AREL1: variants seen among roughly 807,000 people sequenced by gnomAD.
The protein encoded by AREL1 is apoptosis-resistant E3 ubiquitin protein ligase 1.
AREL1 carries 62 observed loss-of-function variants against 99.0 expected under a neutral mutation model. The ratio of observed to expected loss-of-function variants is 0.63; its 90% CI spans 0.51 to 0.77. The LOEUF (loss-of-function observed/expected upper bound fraction) is 0.77, where lower values mean the gene tolerates loss of function less well. AREL1 is among the 30% of genes least tolerant of loss of function. The pLI is 0.00. For missense variants in AREL1, 879 were observed against 1,027.6 expected, an observed-to-expected ratio of 0.86 and a Z score of 1.98; for synonymous variants, 380 against 376.5, an observed-to-expected ratio of 1.01 and a Z score of -0.11.
chr14:74,672,247 G>A (rs1408043843), intron 11 of AREL1, among the ~76,000 whole-genome samples: 3 of 152,224 alleles, frequency 2.0e-5, no homozygotes, highest in African/African-American at 4.8e-5. Flanking sequence ...AGGCCAGTAA[G>A]TAAACTGCTC....
intron 1 of AREL1, 93 bp downstream of exon 1, chr14:74,712,840 C>T: frequency 2.3e-6 from 1 of 433,592 alleles, no homozygotes; most frequent in Non-Finnish European, 4.3e-6. Flanking sequence ...AACCAGGAGT[C>T]TGAACCCCCC....
intron 1 of AREL1, among the ~76,000 whole-genome samples, chr14:74,694,698 G>A (rs1698495021): frequency 6.6e-6 from 1 of 152,000 alleles, no homozygotes; most frequent in African/African-American, 2.4e-5. Flanking sequence ...ATAAGAAAAT[G>A]GTATAAAGAG....
chr14:74,693,563 C>T (rs374396821), intron 1 of AREL1, among the ~76,000 whole-genome samples: 72 of 152,304 alleles, frequency 4.7e-4, no homozygotes, highest in African/African-American at 1.7e-3. Flanking sequence ...GCTTCATACA[C>T]ATAAACTCAC....
Position 74,694,946 on chromosome 14 carries a change from G to A in AREL1, c.-333-2618C>T, listed in dbSNP as rs373653295. On this transcript the variant is annotated intron_variant, in intron 1 of 19. Transcript: ENST00000356357. ...GGAGTTTGCCGTGAGCCAAGATTGC[G>A]CCACTGCACTCCAGCCTGGGCGATA... 1.5e-4 allele frequency among the ~76,000 whole-genome samples: 22 copies of A among 142,948 alleles called. 1 individual carries two copies. In the South Asian group the frequency reaches 1.5e-3, roughly 10 times the overall value. 93.8% of individuals were successfully genotyped at this position (142,948 alleles called of 152,430 possible). A position where few individuals can be genotyped will look rare whatever the true frequency, so the allele number is the denominator to read the frequency against.
rs992386412 is a variant in AREL1, at chr14:74,712,878, A to C, written c.-334+55T>G. The C allele has an allele frequency of 2.6e-5, 14 of 543,726 alleles. No individual in the cohort carries two copies. The Middle Eastern group carries it at 1.4e-3, about 56-fold the overall frequency. The allele number at this position is 543,726 out of a possible 1,614,324, so 33.7% of individuals were successfully genotyped here. A position where few individuals can be genotyped will look rare whatever the true frequency, so the allele number is the denominator to read the frequency against. The stretch of plus-strand genomic sequence containing the variant: ...CCCTTTTCCTCCCTCTCTCTCTGGA[A>C]CTCTGGTAAAGGCAGGTCTTCTGGG... On this transcript the variant is annotated intron_variant, in intron 1 of 19. Coordinates refer to ENST00000356357, the MANE Select transcript of AREL1 (RefSeq NM_001039479.2).
intron 17 of AREL1, among the ~76,000 whole-genome samples, chr14:74,666,753 T>C (rs1205699939): frequency 6.7e-6 from 1 of 149,590 alleles, no homozygotes; most frequent in Non-Finnish European, 1.5e-5. Flanking sequence ...AGAGTCTTAC[T>C]CTGTTGCCCA....
At chr14:74,707,873 C>T (rs1228486001) in intron 1 of AREL1, among the ~76,000 whole-genome samples, 27 of 125,458 alleles carry the variant, frequency 2.2e-4, no homozygotes, top group East Asian at 1.7e-3. Context: ...GGGAGAATGG[C>T]GTGAACCCGG....
In AREL1 at chr14:74,711,569, A is replaced by G. The variant is rs112910974; in HGVS notation, c.-334+1364T>C. 1.7e-4 allele frequency among the ~76,000 whole-genome samples: 26 copies of G among 152,202 alleles called. 1 individual carries two copies. Among genetic ancestry groups the G allele is most frequent in the African/African-American group, 5.3e-4 (22 of 41,516 alleles). On this transcript the variant is annotated intron_variant, in intron 1 of 19. Coordinates refer to ENST00000356357, the MANE Select transcript of AREL1 (RefSeq NM_001039479.2). ...AAAATAAAATAAAATAAAATAAAAT[A>G]AAATTGGCATAAAATTCCAACCCTG...
rs377222659 is a variant in AREL1, at chr14:74,704,774, T to C, written c.-334+8159A>G. Among the ~76,000 whole-genome samples the C allele has an allele frequency of 2.6e-5, 4 of 152,312 alleles. No homozygotes were observed. In the East Asian group the frequency reaches 7.7e-4, roughly 29 times the overall value. ...TTTCTAACTTTGATGAAAGCCAACATAAATTTTTTCTTCATAGTTTGTGGT... is the reference window on the plus strand; with the variant it reads ...TTTCTAACTTTGATGAAAGCCAACACAAATTTTTTCTTCATAGTTTGTGGT... On this transcript the variant is annotated intron_variant, in intron 1 of 19. Transcript: ENST00000356357.
rs550891116 is a variant in AREL1, at chr14:74,713,055, C to T, written c.-456G>A. The T allele has an allele frequency of 2.7e-6, 4 of 1,500,716 alleles. No homozygotes were observed. The highest frequency in any genetic ancestry group is 3.7e-6 in the Non-Finnish European group (4 of 1,078,426). The allele number at this position is 1,500,716 out of a possible 1,614,324, so 93.0% of individuals were successfully genotyped here. ...ACAGACCCCAGAGTTGGTCTCCACC[C>T]GGCCTGGGAACCGGCTCGGGGGATT... On this transcript the variant is annotated 5_prime_UTR_variant, in exon 1 of 20. Transcript: ENST00000356357.
At chr14:74,706,263 A>G (rs1186314936) in intron 1 of AREL1, among the ~76,000 whole-genome samples, 1 of 152,172 alleles carries the variant, frequency 6.6e-6, no homozygotes, top group Non-Finnish European at 1.5e-5. Context: ...GTCTCCCTCA[A>G]TAAGTCTAGG....
chr14:74,686,238 G>A (rs1313203022), intron 2 of AREL1, among the ~76,000 whole-genome samples: 2 of 152,100 alleles, frequency 1.3e-5, no homozygotes, highest in Non-Finnish European at 2.9e-5. Flanking sequence ...ACAAACTAAT[G>A]GGCCCTCTGG....
chr14:74,684,828 C>G, intron 3 of AREL1, 148 bp from the exon 4 acceptor site: 2 of 684,740 alleles, frequency 2.9e-6, no homozygotes, highest in South Asian at 3.7e-5. Flanking sequence ...GGCACTACCT[C>G]TGTAGATAAG....
intron 1 of AREL1, among the ~76,000 whole-genome samples, chr14:74,710,457 C>G (rs569305820): frequency 7.9e-4 from 120 of 152,242 alleles, no homozygotes; most frequent in Middle Eastern, 3.4e-3. Context: ...ATGCAAATTA[C>G]TATTTAATGA....
intron 5 of AREL1, among the ~76,000 whole-genome samples, chr14:74,680,648 C>CT (rs2089608441): frequency 6.6e-6 from 1 of 152,200 alleles, no homozygotes; most frequent in South Asian, 2.1e-4. Context: ...CCCAGATGAC[C>CT]TTTAACAGAT....
Position 74,675,688 on chromosome 14 carries a change from G to C in AREL1, c.1080+11C>G. ...GCAGGGGGATTTTATGTCGAGAATG[G>C]AAGGTCCAACCTTTGGTGACACATA... On this transcript the variant is annotated intron_variant, in intron 8 of 19. Coordinates refer to ENST00000356357, the MANE Select transcript of AREL1 (RefSeq NM_001039479.2). 4 of 1,609,726 alleles carry C rather than the reference G, an allele frequency of 2.5e-6. No homozygotes were observed. Among genetic ancestry groups the C allele is most frequent in the Non-Finnish European group, 3.4e-6 (4 of 1,176,724 alleles).
chr14:74,709,003 TAAAC>T (rs534928619), intron 1 of AREL1, among the ~76,000 whole-genome samples: 341 of 152,332 alleles, frequency 2.2e-3, no homozygotes, highest in Non-Finnish European at 3.7e-3. Context: ...GCAATAAGGT[TAAAC>T]AACCTCAAAA....
At position 74,703,339 on chromosome 14, in the gene AREL1, C is replaced by T. The variant is rs574156356; in HGVS notation, c.-334+9594G>A. 7.9e-5 allele frequency among the ~76,000 whole-genome samples: 12 copies of T among 152,300 alleles called. No homozygotes were observed. In the East Asian group the frequency reaches 1.2e-3, roughly 15 times the overall value. ...TATAAAATCAACAGATATTGTGAGACTTATTCACTACCATGAGAACAGTAT... is the reference window on the plus strand; with the variant it reads ...TATAAAATCAACAGATATTGTGAGATTTATTCACTACCATGAGAACAGTAT... On this transcript the variant is annotated intron_variant, in intron 1 of 19. Coordinates refer to ENST00000356357, the MANE Select transcript of AREL1 (RefSeq NM_001039479.2).
At chr14:74,667,294 G>A (rs1158352420) in intron 17 of AREL1, 25 bp downstream of exon 17, 1 of 1,613,838 alleles carries the variant, frequency 6.2e-7, no homozygotes, top group East Asian at 2.2e-5. Context: ...AGTTAAGAAT[G>A]GGAGTCTGAA....
Sources: allele counts gnomAD v4.1 joint callset (sites outside exome capture counted in the v4.1 genomes callset), GRCh38; gene constraint gnomAD v4.1.1; transcripts MANE v1.5; gene names NCBI Gene and HGNC (gene_info 2026-07-23, HGNC 2026-07-21).